The following C12orf42 variants were observed in gnomAD, a reference collection of about 807,000 sequenced individuals.
C12orf42 encodes chromosome 12 open reading frame 42.
Under a neutral mutation model 21.6 loss-of-function variants are expected in C12orf42, and 25 were observed. The observed-to-expected ratio is 1.16, with a 90% CI of 0.84 to 1.62. The LOEUF (loss-of-function observed/expected upper bound fraction) is 1.62, where lower values mean the gene tolerates loss of function less well. Among genes scored for constraint, C12orf42 ranks in the 40% most tolerant of loss-of-function variants. C12orf42 has a pLI of 0.00. For synonymous variants in C12orf42, 174 were observed against 175.0 expected, an observed-to-expected ratio of 0.99 and a Z score of 0.05; for missense variants, 483 against 459.3, an observed-to-expected ratio of 1.05 and a Z score of -0.47.
At chr12:103,189,506 A>T in the C12orf42 span, among the ~76,000 whole-genome samples, 1 of 152,210 alleles carries the variant, frequency 6.6e-6, no homozygotes, top group African/African-American at 2.4e-5. Context: ...GGACACAAAA[A>T]CAAGAAAAGA....
At chr12:103,166,170 C>T in the C12orf42 span, among the ~76,000 whole-genome samples, 1 of 152,158 alleles carries the variant, frequency 6.6e-6, no homozygotes, top group Admixed American at 6.5e-5. Context: ...TCCTAGCTCC[C>T]AGCAAGGACT....
chr12:103,546,132 A>G, the C12orf42 span, among the ~76,000 whole-genome samples: 8 of 152,342 alleles, frequency 5.3e-5, no homozygotes, highest in South Asian at 1.7e-3. Context: ...GGAGATGGGG[A>G]TGACGCCAAT....
chr12:103,065,340 G>T, the C12orf42 span, among the ~76,000 whole-genome samples: 1 of 152,204 alleles, frequency 6.6e-6, no homozygotes, highest in Non-Finnish European at 1.5e-5. Context: ...ACATCTCCTG[G>T]TACCTGGTAT....
the C12orf42 span, among the ~76,000 whole-genome samples, chr12:103,053,766 A>G: frequency 6.6e-6 from 1 of 151,796 alleles, no homozygotes; most frequent in Non-Finnish European, 1.5e-5. Flanking sequence ...TTTTAAGTTA[A>G]ATTTTGTACA....
the C12orf42 span, among the ~76,000 whole-genome samples, chr12:103,223,583 G>A: frequency 0.48 from 73,502 of 151,910 alleles, 18,032 homozygotes; most frequent in East Asian, 0.59. Context: ...ATCAGCTGTG[G>A]TGGCTTGGGA....
At chr12:103,462,993 T>C (rs566139016) in intron 2 of C12orf42, among the ~76,000 whole-genome samples, 1 of 152,362 alleles carries the variant, frequency 6.6e-6, no homozygotes, top group Admixed American at 6.5e-5. Context: ...AGCAAAACGC[T>C]TAAGTTATTT....
At chr12:103,361,670 C>A (rs567622163) in intron 4 of C12orf42, among the ~76,000 whole-genome samples, 1 of 152,134 alleles carries the variant, frequency 6.6e-6, no homozygotes, top group Non-Finnish European at 1.5e-5. Context: ...TTGGTACCTA[C>A]GGTGGGAGTG....
At chr12:103,116,132 C>T in the C12orf42 span, among the ~76,000 whole-genome samples, 3 of 151,992 alleles carry the variant, frequency 2.0e-5, no homozygotes, top group South Asian at 2.1e-4. Flanking sequence ...GAGGCCAAGG[C>T]GGGCAGATTA....
the C12orf42 span, among the ~76,000 whole-genome samples, chr12:103,146,612 A>AAAAGAAAGAAAGAAAG: frequency 8.6e-6 from 1 of 116,806 alleles, no homozygotes. Flanking sequence ...AAGAAAGAAA[A>AAAAGAAAGAAAGAAAG]AGAAAAGTAA....
chr12:103,356,792 T>C (rs1366636189), intron 4 of C12orf42, among the ~76,000 whole-genome samples: 1 of 152,138 alleles, frequency 6.6e-6, no homozygotes, highest in Non-Finnish European at 1.5e-5. Flanking sequence ...TGAGCATTTT[T>C]TCACGTGTTT....
At chr12:103,100,492 T>C in the C12orf42 span, among the ~76,000 whole-genome samples, 1 of 152,246 alleles carries the variant, frequency 6.6e-6, no homozygotes, top group Non-Finnish European at 1.5e-5. Context: ...GAGCGGTCAC[T>C]CCTGATGTGT....
intron 2 of C12orf42, among the ~76,000 whole-genome samples, chr12:103,436,487 G>C (rs1365214617): frequency 1.3e-5 from 2 of 151,824 alleles, no homozygotes; most frequent in Admixed American, 6.6e-5. Flanking sequence ...ACCCATCAAT[G>C]TGCTGTATTC....
chr12:103,398,489 G>T (rs1020201180), intron 3 of C12orf42, among the ~76,000 whole-genome samples: 2 of 151,970 alleles, frequency 1.3e-5, no homozygotes, highest in Non-Finnish European at 2.9e-5. Context: ...TTGTTTTAAA[G>T]CTTGGTAAAG....
At chr12:103,093,067 T>C in the C12orf42 span, among the ~76,000 whole-genome samples, 3 of 152,214 alleles carry the variant, frequency 2.0e-5, no homozygotes, top group African/African-American at 7.2e-5. Context: ...TTTCAACATT[T>C]CTTCTTAGCA....
chr12:103,539,736 C>T, the C12orf42 span, among the ~76,000 whole-genome samples: 3 of 151,214 alleles, frequency 2.0e-5, no homozygotes, highest in South Asian at 4.2e-4. Context: ...TCTGCCACTA[C>T]ACCCAGCTAA....
intron 4 of C12orf42, chr12:103,368,022 A>T (rs890065980): frequency 1.6e-6 from 2 of 1,246,778 alleles, no homozygotes; most frequent in African/African-American, 1.5e-5. Context: ...CTGCTTTATC[A>T]GTTGTCCTAA....
intron 2 of C12orf42, among the ~76,000 whole-genome samples, chr12:103,404,299 G>T (rs1340026636): frequency 6.6e-6 from 1 of 152,118 alleles, no homozygotes. Flanking sequence ...TAGGAGTACA[G>T]GTAGAATTGC....
the C12orf42 span, among the ~76,000 whole-genome samples, chr12:103,522,452 G>A: frequency 1.3e-5 from 2 of 152,250 alleles, no homozygotes; most frequent in South Asian, 2.1e-4. Flanking sequence ...GCTATGCCCG[G>A]GAGCCATTTG....
At chr12:103,417,125 T>C (rs1437016462) in intron 2 of C12orf42, among the ~76,000 whole-genome samples, 3 of 152,186 alleles carry the variant, frequency 2.0e-5, no homozygotes, top group Non-Finnish European at 4.4e-5. Context: ...ACATTGAACA[T>C]AAACTAAAAA....
Sources: allele counts gnomAD v4.1 joint callset (sites outside exome capture counted in the v4.1 genomes callset), GRCh38; gene constraint gnomAD v4.1.1; transcripts MANE v1.5; gene names NCBI Gene and HGNC (gene_info 2026-07-23, HGNC 2026-07-21).